FTO: variants seen among roughly 807,000 people sequenced by gnomAD.
FTO encodes the protein FTO alpha-ketoglutarate dependent dioxygenase.
Under a neutral mutation model 63.9 loss-of-function variants are expected in FTO, and 47 were observed. The observed-to-expected ratio is 0.74, with a 90% CI of 0.58 to 0.94. The LOEUF is 0.94. Ranked by LOEUF, FTO falls within the 40% of genes least tolerant of loss-of-function variation. FTO has a pLI of 0.00. For missense variants in FTO, 562 were observed against 618.1 expected (o/e 0.91, Z 0.96); for synonymous variants, 207 against 224.4 (o/e 0.92, Z 0.69).
chr16:53,752,920 C>CTT (rs749666605), intron 1 of FTO, among the ~76,000 whole-genome samples: 3 of 138,190 alleles, frequency 2.2e-5, no homozygotes, highest in Non-Finnish European at 3.1e-5. Context: ...ATATGACTGC[C>CTT]TTTTTTTTTT....
intron 4 of FTO, among the ~76,000 whole-genome samples, chr16:53,857,680 C>G (rs1598842757): frequency 6.6e-6 from 1 of 152,070 alleles, no homozygotes; most frequent in Admixed American, 6.6e-5. Context: ...AAAGGGTATC[C>G]CTCTTGACAC....
chr16:53,722,436 GC>G (rs1255084315), intron 1 of FTO, among the ~76,000 whole-genome samples: 1 of 152,086 alleles, frequency 6.6e-6, no homozygotes, highest in African/African-American at 2.4e-5. Context: ...TGGAAGTTAA[GC>G]TTTTTGTTTT....
Position 53,888,869 on chromosome 16 carries a change from G to A in FTO, c.1157G>A (p.Gly386Asp). The change falls in exon 7 of 9, where the codon GGC (glycine) becomes GAC (aspartate). Residue 386 changes from glycine to aspartate, a missense_variant. By Grantham distance (94) the Gly-to-Asp change is moderately conservative. Transcript: ENST00000471389. ...TGGCTGAGGCAGTTTTGGTTTCAAG[G>A]CAATCGATACAGAAAGTGCACTGAC... ...FEWLRQFWFQ[G>D]NRYRKCTDWW... 1.2e-6 allele frequency: 2 copies of A among 1,614,036 alleles called. No individual in the cohort carries two copies. The highest frequency in any genetic ancestry group is 4.5e-5 in the East Asian group (2 of 44,874).
chr16:53,915,744 C>G (rs573952732), intron 7 of FTO, among the ~76,000 whole-genome samples: 2 of 152,220 alleles, frequency 1.3e-5, no homozygotes, highest in Non-Finnish European at 2.9e-5. Context: ...TGTTCCTGCT[C>G]AGTCTCATGG....
chr16:53,976,625 G>A (rs1175244632), intron 8 of FTO, among the ~76,000 whole-genome samples: 2 of 151,970 alleles, frequency 1.3e-5, no homozygotes, highest in Non-Finnish European at 2.9e-5. Context: ...AATCCTGTTG[G>A]CATTTTAATA....
At position 54,121,105 on chromosome 16, in the gene FTO, G is replaced by T. The variant is rs2087002384; in HGVS notation, c.*9190G>T. On this transcript the variant is annotated 3_prime_UTR_variant, in exon 9 of 9. Transcript: ENST00000471389. ...GCTCATCGGTTTATGTATTATCTAT[G>T]GCTGTTTCCAACTACAGTGGCAGAG... 1 of 152,228 alleles carries T rather than the reference G, an allele frequency of 6.6e-6. No individual in the cohort carries two copies. Among genetic ancestry groups the T allele is most frequent in the Admixed American group, 6.5e-5 (1 of 15,268 alleles). The allele number at this position is 152,228 out of a possible 1,614,324, so 9.4% of individuals were successfully genotyped here.
At chr16:53,901,981 C>T (rs560248801) in intron 7 of FTO, among the ~76,000 whole-genome samples, 1 of 152,122 alleles carries the variant, frequency 6.6e-6, no homozygotes, top group Non-Finnish European at 1.5e-5. Context: ...TACTATGGGA[C>T]TACTGTTTCA....
At chr16:53,733,706 T>TA (rs1206251158) in intron 1 of FTO, among the ~76,000 whole-genome samples, 1 of 152,142 alleles carries the variant, frequency 6.6e-6, no homozygotes, top group Non-Finnish European at 1.5e-5. Context: ...GAGATAACAT[T>TA]AAAAAAGGTT....
chr16:53,790,230 A>C (rs2077872631), intron 1 of FTO, among the ~76,000 whole-genome samples: 1 of 151,856 alleles, frequency 6.6e-6, no homozygotes, highest in Non-Finnish European at 1.5e-5. Context: ...CATCTTCAAA[A>C]CTTTTCCAGC....
At chr16:53,866,388 C>A (rs576347734) in intron 4 of FTO, among the ~76,000 whole-genome samples, 1 of 152,068 alleles carries the variant, frequency 6.6e-6, no homozygotes, top group Non-Finnish European at 1.5e-5. Context: ...CAATGCTGGC[C>A]GCAAAGAATG....
intron 1 of FTO, among the ~76,000 whole-genome samples, chr16:53,794,699 G>A (rs1043474071): frequency 2.0e-5 from 3 of 152,170 alleles, no homozygotes; most frequent in Non-Finnish European, 4.4e-5. Context: ...CTGACTGTGA[G>A]GAGACAATAA....
chr16:54,060,194 G>A (rs2085537023), intron 8 of FTO, among the ~76,000 whole-genome samples: 1 of 152,100 alleles, frequency 6.6e-6, no homozygotes, highest in South Asian at 2.1e-4. Flanking sequence ...AAATGTGCTG[G>A]GTAAATGTTC....
intron 1 of FTO, among the ~76,000 whole-genome samples, chr16:53,704,617 G>A (rs926054484): frequency 4.6e-5 from 7 of 152,188 alleles, no homozygotes; most frequent in African/African-American, 1.7e-4. Flanking sequence ...TATCTGTGCA[G>A]TCAGCTGTGT....
chr16:53,779,492 A>G (rs1034556111), intron 1 of FTO, among the ~76,000 whole-genome samples: 6 of 152,148 alleles, frequency 3.9e-5, no homozygotes, highest in African/African-American at 7.2e-5. Context: ...TAATAGATCA[A>G]TTCTCTATTG....
At chr16:53,922,140 C>T (rs16952649) in intron 7 of FTO, among the ~76,000 whole-genome samples, 22,603 of 152,116 alleles carry the variant, frequency 0.15, 2,176 homozygotes, top group African/African-American at 0.27. Context: ...TTGTAGAGAT[C>T]TTGGATTGTG....
intron 8 of FTO, among the ~76,000 whole-genome samples, chr16:53,999,317 G>T (rs1466925679): frequency 2.0e-5 from 3 of 152,212 alleles, no homozygotes; most frequent in Non-Finnish European, 4.4e-5. Context: ...GTCAAAAGGA[G>T]ATCCGTAGAG....
At chr16:53,860,986 A>G (rs2080160114) in intron 4 of FTO, among the ~76,000 whole-genome samples, 1 of 152,168 alleles carries the variant, frequency 6.6e-6, no homozygotes, top group Non-Finnish European at 1.5e-5. Context: ...GTATATGTAT[A>G]TTAAAACGTT....
chr16:54,077,612 C>A (rs62034117), intron 8 of FTO, among the ~76,000 whole-genome samples: 26,080 of 152,104 alleles, frequency 0.17, 3,558 homozygotes, highest in African/African-American at 0.37. Context: ...AGTTTGTGCC[C>A]AAAGTTCAGC....
chr16:53,885,564 T>A (rs2080975894), intron 6 of FTO, among the ~76,000 whole-genome samples: 2 of 152,302 alleles, frequency 1.3e-5, no homozygotes, highest in African/African-American at 4.8e-5. Flanking sequence ...CTTTTCCTGG[T>A]CAGAAAATTG....
Sources: gnomAD v4.1 joint callset for allele counts (sites outside exome capture counted in the v4.1 genomes callset) on GRCh38, gnomAD v4.1.1 for gene constraint, MANE v1.5 for transcripts, NCBI Gene and HGNC (gene_info 2026-07-23, HGNC 2026-07-21) for gene names.